Variants in CTDSPL2 observed in about 807,000 individuals in gnomAD.
The protein encoded by CTDSPL2 is CTD small phosphatase-like protein 2.
A neutral mutation model predicts 60.0 loss-of-function variants in CTDSPL2; 5 were observed. That is an observed-to-expected ratio of 0.08 (90% confidence interval 0.04 to 0.18). CTDSPL2 has a LOEUF of 0.18. Ranked by LOEUF, CTDSPL2 falls within the 10% of genes least tolerant of loss-of-function variation. The probability of loss-of-function intolerance (pLI) is 1.00; values close to 1 mark genes in which losing one functional copy is unlikely to be tolerated. For missense variants in CTDSPL2, 370 were observed against 548.8 expected, an observed-to-expected ratio of 0.67 and a Z score of 3.26; for synonymous variants, 186 against 189.3, an observed-to-expected ratio of 0.98 and a Z score of 0.14.
intron 2 of CTDSPL2, among the ~76,000 whole-genome samples, chr15:44,475,116 C>A (rs1481107157): frequency 2.0e-5 from 3 of 151,840 alleles, no homozygotes; most frequent in Admixed American, 2.0e-4. Context: ...CAAGTCCGGC[C>A]ACATTAATAA....
chr15:44,475,997 A>G (rs567895774), intron 2 of CTDSPL2, among the ~76,000 whole-genome samples: 3 of 152,336 alleles, frequency 2.0e-5, no homozygotes, highest in East Asian at 1.9e-4. Context: ...CAGTGCACCA[A>G]TGGATTGAAA....
intron 1 of CTDSPL2, among the ~76,000 whole-genome samples, chr15:44,431,107 C>T (rs1052562964): frequency 6.6e-6 from 1 of 151,808 alleles, no homozygotes; most frequent in African/African-American, 2.4e-5. Context: ...CAGATGTGAG[C>T]CACCGCATCT....
At chr15:44,446,716 AAG>A (rs1214667052) in intron 1 of CTDSPL2, among the ~76,000 whole-genome samples, 2 of 150,516 alleles carry the variant, frequency 1.3e-5, no homozygotes, top group African/African-American at 2.5e-5. Context: ...AAAAAAAAAA[AAG>A]AGAGAAAGAG....
intron 8 of CTDSPL2, among the ~76,000 whole-genome samples, chr15:44,507,430 T>G (rs2081488845): frequency 6.6e-6 from 1 of 152,192 alleles, no homozygotes; most frequent in Admixed American, 6.5e-5. Flanking sequence ...GTTTTTATTT[T>G]TATTGGTTTT....
chr15:44,448,249 C>T (rs764385780), intron 1 of CTDSPL2: 9 of 292,024 alleles, frequency 3.1e-5, no homozygotes, highest in Middle Eastern at 5.3e-4. Flanking sequence ...GGAGCCACTG[C>T]GCTCCGTGAC....
In CTDSPL2 at chr15:44,476,932, C is replaced by T. The variant is rs117122493; in HGVS notation, c.187-7292C>T. ...AATTAGTAAGAGCACAGTAGAAGTG[C>T]ACAACACAAGGTTGGGCACCATGGC... On this transcript the variant is annotated intron_variant, in intron 2 of 12. Coordinates refer to ENST00000260327, the MANE Select transcript of CTDSPL2 (RefSeq NM_016396.3). Among the ~76,000 whole-genome samples, 1,121 of 152,260 alleles carry T rather than the reference C, an allele frequency of 7.4e-3. 7 individuals are homozygous for T. Among genetic ancestry groups the T allele is most frequent in the Non-Finnish European group, 0.011 (729 of 68,034 alleles).
Position 44,525,503 on chromosome 15 carries a change from TC to T in CTDSPL2, c.*1330del, listed in dbSNP as rs897922365. 6 of 398,802 alleles carry T rather than the reference TC, an allele frequency of 1.5e-5. No individual in the cohort carries two copies. Among genetic ancestry groups the T allele is most frequent in the Non-Finnish European group, 2.7e-5 (6 of 225,942 alleles). The allele number at this position is 398,802 out of a possible 1,614,324, so 24.7% of individuals were successfully genotyped here. A position where few individuals can be genotyped will look rare whatever the true frequency, so the allele number is the denominator to read the frequency against. On this transcript the variant is annotated 3_prime_UTR_variant, in exon 13 of 13. Transcript: ENST00000260327. ...TCAACTGCATTAACATGCCACAGGC[TC>T]AGACTGTTTTTGTGTAAAGGATGTC...
In CTDSPL2 at chr15:44,463,571, A is replaced by G. The variant is rs527253994; in HGVS notation, c.186+4371A>G. Among the ~76,000 whole-genome samples the G allele has an allele frequency of 3.3e-5, 5 of 152,356 alleles. No homozygotes were observed. In the East Asian group the frequency reaches 7.7e-4, roughly 23 times the overall value. On this transcript the variant is annotated intron_variant, in intron 2 of 12. Coordinates refer to ENST00000260327, the MANE Select transcript of CTDSPL2 (RefSeq NM_016396.3). ...AGATTATTATTGAAATTAATATTTG[A>G]ATGCTTTACTAAAATCGGAGTGAAA...
rs2081435520 is a variant in CTDSPL2 at position 44,504,956 on chromosome 15, A to T, written c.969+5143A>T. On this transcript the variant is annotated intron_variant, in intron 8 of 12. Transcript: ENST00000260327. ...ATTTTAAAGTCACTTTCCCATCCTT[A>T]TTAGTATGTTTAGTTATTGGTACTA... Among the ~76,000 whole-genome samples the T allele has an allele frequency of 2.0e-5, 3 of 152,188 alleles. No individual in the cohort carries two copies. The South Asian group carries it at 6.2e-4, about 31-fold the overall frequency.
chr15:44,489,812 A>G (rs2081186270), intron 4 of CTDSPL2, among the ~76,000 whole-genome samples: 1 of 152,228 alleles, frequency 6.6e-6, no homozygotes, highest in Non-Finnish European at 1.5e-5. Flanking sequence ...CAGTGAGGAT[A>G]AGTGAAGAAT....
intron 1 of CTDSPL2, among the ~76,000 whole-genome samples, chr15:44,431,155 CTCGCTG>C (rs1456009963): frequency 6.7e-6 from 1 of 149,594 alleles, no homozygotes; most frequent in Non-Finnish European, 1.5e-5. Context: ...GAGACGGGGT[CTCGCTG>C]TGTCACCCAG....
chr15:44,483,339 A>G (rs1431117044), intron 2 of CTDSPL2, among the ~76,000 whole-genome samples: 1 of 151,858 alleles, frequency 6.6e-6, no homozygotes, highest in Non-Finnish European at 1.5e-5. Context: ...GGCTGGTCAC[A>G]GTGGCTTACG....
intron 1 of CTDSPL2, among the ~76,000 whole-genome samples, chr15:44,457,124 G>T (rs2080464091): frequency 6.6e-6 from 1 of 152,118 alleles, no homozygotes; most frequent in Non-Finnish European, 1.5e-5. Flanking sequence ...CCATCTACCT[G>T]CCTTGGCCTC....
At position 44,478,034 on chromosome 15, in the gene CTDSPL2, T is replaced by C. The variant is rs181664111; in HGVS notation, c.187-6190T>C. Among the ~76,000 whole-genome samples the C allele has an allele frequency of 2.6e-5, 4 of 152,302 alleles. No individual in the cohort carries two copies. In the East Asian group the frequency reaches 7.7e-4, roughly 29 times the overall value. On this transcript the variant is annotated intron_variant, in intron 2 of 12. Coordinates refer to ENST00000260327, the MANE Select transcript of CTDSPL2 (RefSeq NM_016396.3). ...TTTTGAGCACATACTCATTACATGC[T>C]ATCCTTTATTCAAATTTGGCTTAGT...
chr15:44,479,059 TA>T (rs1010003194), intron 2 of CTDSPL2, among the ~76,000 whole-genome samples: 2 of 145,898 alleles, frequency 1.4e-5, no homozygotes, highest in East Asian at 2.0e-4. Flanking sequence ...TTCATTTCTT[TA>T]AAAAAAAACA....
chr15:44,478,631 G>A (rs888153036), intron 2 of CTDSPL2, among the ~76,000 whole-genome samples: 34 of 152,112 alleles, frequency 2.2e-4, no homozygotes, highest in Non-Finnish European at 4.6e-4. Flanking sequence ...AACATGAAAA[G>A]CGTTTCTGTC....
At chr15:44,513,120 A>G (rs2081593331) in intron 8 of CTDSPL2, among the ~76,000 whole-genome samples, 1 of 151,712 alleles carries the variant, frequency 6.6e-6, no homozygotes, top group Non-Finnish European at 1.5e-5. Flanking sequence ...ACCTTTATCT[A>G]GCCCAGAGAT....
intron 2 of CTDSPL2, among the ~76,000 whole-genome samples, chr15:44,480,436 A>G (rs542458426): frequency 1.3e-5 from 2 of 152,044 alleles, no homozygotes; most frequent in South Asian, 4.1e-4. Flanking sequence ...TGTGGGGGAT[A>G]CCTTGTCTTC....
chr15:44,461,577 T>TTG (rs1359593843), intron 2 of CTDSPL2, among the ~76,000 whole-genome samples: 1 of 142,546 alleles, frequency 7.0e-6, no homozygotes, highest in Non-Finnish European at 1.5e-5. Context: ...CTCTCCCTTT[T>TTG]TTTTTTTTTT....
Sources: gnomAD v4.1 joint callset for allele counts (sites outside exome capture counted in the v4.1 genomes callset) on GRCh38, gnomAD v4.1.1 for gene constraint, MANE v1.5 for transcripts, NCBI Gene and HGNC (gene_info 2026-07-23, HGNC 2026-07-21) for gene names.